Variants in RPH3A observed in about 807,000 individuals in gnomAD.
RPH3A encodes rabphilin-3A.
Under a neutral mutation model 102.2 loss-of-function variants are expected in RPH3A, and 48 were observed. The observed-to-expected ratio is 0.47, with a 90% CI of 0.37 to 0.60. The LOEUF (loss-of-function observed/expected upper bound fraction) is 0.60. RPH3A is among the 20% of genes least tolerant of loss of function. The pLI is 0.00. For missense variants in RPH3A, 781 were observed against 910.1 expected (o/e 0.86, Z 1.83); for synonymous variants, 310 against 324.3 (o/e 0.96, Z 0.47).
chr12:112,737,603 G>GT (rs1206882064), intron 1 of RPH3A, among the ~76,000 whole-genome samples: 1 of 152,104 alleles, frequency 6.6e-6, no homozygotes, highest in Non-Finnish European at 1.5e-5. Flanking sequence ...TGATCCTGCA[G>GT]TTTTTTTCCC....
intron 1 of RPH3A, among the ~76,000 whole-genome samples, chr12:112,775,860 C>T (rs1185848060): frequency 6.6e-6 from 1 of 152,104 alleles, no homozygotes; most frequent in Non-Finnish European, 1.5e-5. Context: ...TGGTCCTTTT[C>T]CAGGGGTAGA....
chr12:112,827,648 A>G (rs1054421981), intron 2 of RPH3A, among the ~76,000 whole-genome samples: 1 of 152,146 alleles, frequency 6.6e-6, no homozygotes, highest in Non-Finnish European at 1.5e-5. Flanking sequence ...AGATCAAGAC[A>G]ATACCATTTT....
chr12:112,588,367 G>C (rs2039452946), intron 1 of RPH3A, among the ~76,000 whole-genome samples: 1 of 151,310 alleles, frequency 6.6e-6, no homozygotes, highest in African/African-American at 2.4e-5. Flanking sequence ...GGTGAAAGAG[G>C]AGCAAAGGCA....
At chr12:112,687,659 T>C (rs567803951) in intron 1 of RPH3A, among the ~76,000 whole-genome samples, 3 of 152,196 alleles carry the variant, frequency 2.0e-5, no homozygotes, top group Non-Finnish European at 4.4e-5. Flanking sequence ...TGATGACCCA[T>C]GTCCATTCCC....
At chr12:112,890,196 C>T (rs536817708) in intron 18 of RPH3A, 116 bp downstream of exon 18, 1 of 925,860 alleles carries the variant, frequency 1.1e-6, no homozygotes, top group Non-Finnish European at 1.7e-6. Context: ...CAACCACCCC[C>T]CTGTTGATTT....
intron 2 of RPH3A, among the ~76,000 whole-genome samples, chr12:112,804,449 G>T (rs2041418474): frequency 6.6e-6 from 1 of 152,216 alleles, no homozygotes; most frequent in African/African-American, 2.4e-5. Flanking sequence ...GTGGAAAGTT[G>T]AAACCACACC....
At chr12:112,655,905 G>A (rs897393413) in intron 1 of RPH3A, among the ~76,000 whole-genome samples, 3 of 152,038 alleles carry the variant, frequency 2.0e-5, no homozygotes, top group African/African-American at 7.2e-5. Flanking sequence ...CTTCAATGAA[G>A]CAGTTCCTTA....
chr12:112,863,599 G>A (rs1002871067), intron 5 of RPH3A, among the ~76,000 whole-genome samples: 15 of 152,244 alleles, frequency 9.9e-5, no homozygotes, highest in African/African-American at 2.7e-4. Flanking sequence ...GATTACAGGC[G>A]TGAGCCACCA....
intron 11 of RPH3A, 116 bp downstream of exon 11, chr12:112,875,286 T>C (rs1183878025): frequency 2.5e-6 from 2 of 788,202 alleles, no homozygotes; most frequent in African/African-American, 1.7e-5. Context: ...CAGCCACAAC[T>C]AAATCTTAAC....
intron 1 of RPH3A, among the ~76,000 whole-genome samples, chr12:112,647,616 T>C (rs1238345981): frequency 6.6e-6 from 1 of 151,968 alleles, no homozygotes; most frequent in Non-Finnish European, 1.5e-5. Flanking sequence ...TGTGTGTGTG[T>C]GTGTGTGTGT....
intron 5 of RPH3A, among the ~76,000 whole-genome samples, chr12:112,857,530 G>T (rs1347995796): frequency 6.6e-6 from 1 of 152,102 alleles, no homozygotes; most frequent in Non-Finnish European, 1.5e-5. Flanking sequence ...AGGGAGGAAG[G>T]GGCCATGAGC....
At chr12:112,659,215 G>A (rs1054688298) in intron 1 of RPH3A, among the ~76,000 whole-genome samples, 22 of 152,132 alleles carry the variant, frequency 1.4e-4, no homozygotes, top group African/African-American at 5.1e-4. Context: ...AGAAATGAAC[G>A]TGAATGCATC....
intron 6 of RPH3A, 27 bp downstream of exon 6, chr12:112,865,570 CCCTGTGCAGCA>C: frequency 6.2e-7 from 1 of 1,609,500 alleles, no homozygotes; most frequent in Non-Finnish European, 8.5e-7. Context: ...CTCCCTTCTT[CCCTGTGCAGCA>C]CCTGCAGAGG....
intron 1 of RPH3A, among the ~76,000 whole-genome samples, chr12:112,653,411 T>C (rs547384039): frequency 1.8e-4 from 27 of 148,876 alleles, no homozygotes; most frequent in African/African-American, 6.7e-4. Flanking sequence ...TGTACACCTG[T>C]ATAGAGAGCT....
At chr12:112,752,803 T>C (rs1278188771) in intron 1 of RPH3A, among the ~76,000 whole-genome samples, 1 of 152,056 alleles carries the variant, frequency 6.6e-6, no homozygotes, top group Non-Finnish European at 1.5e-5. Flanking sequence ...CCATGCTTTA[T>C]AGACTTCCTT....
intron 1 of RPH3A, among the ~76,000 whole-genome samples, chr12:112,708,918 C>G (rs1592955216): frequency 6.6e-6 from 1 of 152,152 alleles, no homozygotes; most frequent in Non-Finnish European, 1.5e-5. Flanking sequence ...AATAAAAACT[C>G]TATCACAGAT....
At chr12:112,626,677 A>G (rs2039769029) in intron 1 of RPH3A, among the ~76,000 whole-genome samples, 1 of 129,618 alleles carries the variant, frequency 7.7e-6, no homozygotes, top group Non-Finnish European at 1.6e-5. Context: ...TAGAACTAGA[A>G]ATACCATTTG....
chr12:112,575,684 C>T (rs1045742230), intron 1 of RPH3A, among the ~76,000 whole-genome samples: 7 of 151,846 alleles, frequency 4.6e-5, no homozygotes, highest in African/African-American at 1.7e-4. Context: ...CGCTTTTACC[C>T]AGGCTCGATA....
At chr12:112,618,818 TC>T (rs1437139546) in intron 1 of RPH3A, among the ~76,000 whole-genome samples, 1 of 152,232 alleles carries the variant, frequency 6.6e-6, no homozygotes, top group Non-Finnish European at 1.5e-5. Flanking sequence ...CATTTTGGTC[TC>T]TCCTAAAAGA....
Sources: allele counts gnomAD v4.1 joint callset (sites outside exome capture counted in the v4.1 genomes callset), GRCh38; gene constraint gnomAD v4.1.1; transcripts MANE v1.5; gene names NCBI Gene and HGNC (gene_info 2026-07-23, HGNC 2026-07-21).